The following RPTOR variants were observed in gnomAD, a reference collection of about 807,000 sequenced individuals.
RPTOR encodes regulatory-associated protein of mTOR.
Under a neutral mutation model 169.9 loss-of-function variants are expected in RPTOR, and 21 were observed. The ratio of observed to expected loss-of-function variants is 0.12; its 90% confidence interval spans 0.09 to 0.18. RPTOR has a LOEUF of 0.18. Among genes scored for constraint, RPTOR ranks in the 10% least tolerant of loss-of-function variants. The pLI, the probability that RPTOR is intolerant of heterozygous loss-of-function variation, is 1.00. For synonymous variants in RPTOR, 732 were observed against 753.2 expected (o/e 0.97, Z 0.46); for missense variants, 1,133 against 1,855.9 (o/e 0.61, Z 7.16).
At chr17:80,616,428 A>T (rs1051917067) in intron 1 of RPTOR, among the ~76,000 whole-genome samples, 1 of 148,552 alleles carries the variant, frequency 6.7e-6, no homozygotes, top group African/African-American at 2.5e-5. Context: ...TCTCCCGAGT[A>T]GCTGGGATTA....
In RPTOR at chr17:80,726,690, G is replaced by A. The variant is rs1027805942; in HGVS notation, c.508-3870G>A. ...CAGAGGACGTTGTGAGGTGGCTGTA[G>A]GGTCAGGTGGCTGTAGGGTCAGGGC... On this transcript the variant is annotated intron_variant, in intron 4 of 33. Transcript: ENST00000306801. The surrounding 1 kb of genome is among the most constrained non-coding windows in gnomAD (Gnocchi z 4.5). Among the ~76,000 whole-genome samples, 7 of 152,112 alleles carry A rather than the reference G, an allele frequency of 4.6e-5. No individual in the cohort carries two copies. Among genetic ancestry groups the A allele is most frequent in the African/African-American group, 1.7e-4 (7 of 41,418 alleles).
chr17:80,549,661 AG>A (rs1301402182), intron 1 of RPTOR, among the ~76,000 whole-genome samples: 4 of 152,224 alleles, frequency 2.6e-5, no homozygotes, highest in Non-Finnish European at 5.9e-5. Flanking sequence ...CCTACTGGAA[AG>A]TGGACAGTGG....
chr17:80,684,444 ATTT>A (rs2065921107), intron 3 of RPTOR, among the ~76,000 whole-genome samples: 12 of 122,208 alleles, frequency 9.8e-5, no homozygotes, highest in Admixed American at 7.4e-4. Context: ...TTATTTATTT[ATTT>A]ATTTAATTTT....
At chr17:80,755,868 T>G (rs12947166) in intron 6 of RPTOR, among the ~76,000 whole-genome samples, 1 of 152,070 alleles carries the variant, frequency 6.6e-6, no homozygotes. Flanking sequence ...GATGCAGACT[T>G]AGCCTGAAAG....
At position 80,943,409 on chromosome 17, in the gene RPTOR, A is replaced by C. The variant is rs562512216; in HGVS notation, c.3026-2258A>C. On this transcript the variant is annotated intron_variant, in intron 25 of 33. Transcript: ENST00000306801. ...AGACACTTTGAAGGGTGGGAAGGGC[A>C]GGGTTTATTGGGTGAGAAGGAAAAA... 2.0e-5 allele frequency among the ~76,000 whole-genome samples: 3 copies of C among 152,360 alleles called. No individual in the cohort carries two copies. The East Asian group carries it at 5.8e-4, about 29-fold the overall frequency.
chr17:80,780,314 G>A (rs1468235588), intron 6 of RPTOR, among the ~76,000 whole-genome samples: 1 of 152,156 alleles, frequency 6.6e-6, no homozygotes, highest in East Asian at 1.9e-4. Context: ...AGCGGAAAGG[G>A]AGAGTTCAGT....
chr17:80,633,386 G>A lies in RPTOR; in HGVS notation c.265+7593G>A, dbSNP rs1292362264. On this transcript the variant is annotated intron_variant, in intron 2 of 33. Coordinates refer to ENST00000306801, the MANE Select transcript of RPTOR (RefSeq NM_020761.3). The surrounding 1 kb of genome is among the most constrained non-coding windows in gnomAD (Gnocchi z 4.1). ...GCGCCAGGATCCTGCTCAGCCATGC[G>A]CCATCCTAACTTCCTCTCACTCAGT... Among the ~76,000 whole-genome samples, 4 of 152,204 alleles carry A rather than the reference G, an allele frequency of 2.6e-5. No homozygotes were observed. Among genetic ancestry groups the A allele is most frequent in the Admixed American group, 1.3e-4 (2 of 15,290 alleles).
chr17:80,899,969 T>C (rs2068454753), intron 20 of RPTOR, among the ~76,000 whole-genome samples: 1 of 152,140 alleles, frequency 6.6e-6, no homozygotes, highest in African/African-American at 2.4e-5. Context: ...TGGACAGATA[T>C]TTTGACAGTG....
At chr17:80,792,084 T>A (rs1199332087) in intron 7 of RPTOR, among the ~76,000 whole-genome samples, 1 of 152,124 alleles carries the variant, frequency 6.6e-6, no homozygotes, top group Admixed American at 6.5e-5. Flanking sequence ...TCTTTTTGGA[T>A]CTGAAGTGGT....
intron 1 of RPTOR, among the ~76,000 whole-genome samples, chr17:80,585,142 C>T (rs2065047758): frequency 6.7e-6 from 1 of 149,454 alleles, no homozygotes; most frequent in Non-Finnish European, 1.5e-5. Context: ...TTTATAATAT[C>T]CTGTTCTTGT....
At chr17:80,916,913 A>C (rs1035404358) in intron 21 of RPTOR, among the ~76,000 whole-genome samples, 2 of 152,112 alleles carry the variant, frequency 1.3e-5, no homozygotes, top group African/African-American at 4.8e-5. Flanking sequence ...GCTCGAACCC[A>C]GGAGACGGAG....
intron 13 of RPTOR, among the ~76,000 whole-genome samples, chr17:80,869,262 C>T (rs1294538263): frequency 2.0e-5 from 3 of 152,068 alleles, no homozygotes; most frequent in African/African-American, 7.3e-5. Flanking sequence ...CGGGTTCAAG[C>T]GATTCTCCTG....
At chr17:80,811,092 T>C (rs1024666090) in intron 7 of RPTOR, among the ~76,000 whole-genome samples, 11 of 152,240 alleles carry the variant, frequency 7.2e-5, no homozygotes, top group African/African-American at 4.8e-5. Context: ...TTTGTTGCAC[T>C]GCGTAATGTC....
rs1390616481 is a variant in RPTOR, at chr17:80,945,797, G to C, written c.3140+16G>C. ...ACAGCATCTGGTATGCACCGCGCTG[G>C]TCAGGCCTCCCTTCCGGCTGACCGA... On this transcript the variant is annotated intron_variant, in intron 26 of 33. Transcript: ENST00000306801. 1.3e-6 allele frequency: 2 copies of C among 1,507,800 alleles called. No homozygotes were observed. Among genetic ancestry groups the C allele is most frequent in the African/African-American group, 2.8e-5 (2 of 70,320 alleles). The allele number at this position is 1,507,800 out of a possible 1,614,324, so 93.4% of individuals were successfully genotyped here.
intron 12 of RPTOR, among the ~76,000 whole-genome samples, chr17:80,856,780 A>G (rs2067857418): frequency 1.3e-5 from 2 of 152,222 alleles, no homozygotes; most frequent in African/African-American, 4.8e-5. Context: ...TTCATTTTTA[A>G]GGTTAATTTT....
At chr17:80,869,234 A>G (rs1393956708) in intron 13 of RPTOR, among the ~76,000 whole-genome samples, 2 of 152,056 alleles carry the variant, frequency 1.3e-5, no homozygotes, top group African/African-American at 4.8e-5. Flanking sequence ...ATCTTGGTTC[A>G]CTGCAACCTC....
At chr17:80,961,949 A>G (rs897776265) in intron 31 of RPTOR, among the ~76,000 whole-genome samples, 2 of 152,206 alleles carry the variant, frequency 1.3e-5, no homozygotes, top group South Asian at 2.1e-4. Context: ...CTTCAAAGAG[A>G]TGCTCTTTTC....
intron 3 of RPTOR, among the ~76,000 whole-genome samples, chr17:80,699,441 G>A (rs750709771): frequency 6.7e-6 from 1 of 149,752 alleles, no homozygotes; most frequent in Non-Finnish European, 1.5e-5. Flanking sequence ...GTGCAGTGAT[G>A]GGGAGCAAGA....
intron 24 of RPTOR, among the ~76,000 whole-genome samples, chr17:80,927,847 A>G (rs897337507): frequency 9.3e-5 from 14 of 151,156 alleles, no homozygotes; most frequent in African/African-American, 3.2e-4. Context: ...CATCTCCTCC[A>G]TTTGCACATC....
Sources: allele counts gnomAD v4.1 joint callset (sites outside exome capture counted in the v4.1 genomes callset), GRCh38; gene constraint gnomAD v4.1.1; non-coding constraint Gnocchi (gnomAD v3.1); transcripts MANE v1.5; gene names NCBI Gene and HGNC (gene_info 2026-07-23, HGNC 2026-07-21).